FAM171A1: variants seen among roughly 807,000 people sequenced by gnomAD.
FAM171A1 encodes family with sequence similarity 171 member A1, also known as protein FAM171A1.
FAM171A1 carries 23 observed loss-of-function variants against 74.9 expected under a neutral mutation model. The observed-to-expected ratio is 0.31, with a 90% CI of 0.22 to 0.44. The LOEUF (loss-of-function observed/expected upper bound fraction) is 0.44. FAM171A1 is among the 20% of genes least tolerant of loss of function. The pLI, the probability that FAM171A1 is intolerant of heterozygous loss-of-function variation, is 1.00. For synonymous variants in FAM171A1, 527 were observed against 505.7 expected (o/e 1.04, Z -0.57); for missense variants, 1,162 against 1,159.2 (o/e 1.00, Z -0.03).
chr10:15,240,852 C>A, intron 5 of FAM171A1: 2 of 397,628 alleles, frequency 5.0e-6, no homozygotes, highest in Non-Finnish European at 6.8e-6. Context: ...CCAGTCTGGG[C>A]AACACAGCAA....
chr10:15,213,084 G>A lies in FAM171A1; in HGVS notation c.2504C>T (p.Thr835Met), dbSNP rs1482241961. ...GGGGGCATCCGCAGTCCGTCTGGTC[G>A]TCTCCTCCTGCAGGCTGGGCAGCTG... ...GGQLPSLQEE[T>M]TRRTADAPSE... The change falls in exon 8 of 8, where the codon ACG becomes ATG. Residue 835 changes from threonine to methionine, a missense_variant. Coordinates refer to ENST00000378116, the MANE Select transcript of FAM171A1 (RefSeq NM_001010924.2). The surrounding 1 kb of genome is among the most constrained non-coding windows in gnomAD (Gnocchi z 6.8). 8 of 1,613,412 alleles carry A rather than the reference G, an allele frequency of 5.0e-6. No homozygotes were observed. Among genetic ancestry groups the A allele is most frequent in the African/African-American group, 2.7e-5 (2 of 74,876 alleles).
At chr10:15,219,872 G>A (rs1469608251) in intron 6 of FAM171A1, among the ~76,000 whole-genome samples, 1 of 152,218 alleles carries the variant, frequency 6.6e-6, no homozygotes, top group African/African-American at 2.4e-5. Context: ...GAGCCACCGC[G>A]CCCGGCTAAG....
intron 5 of FAM171A1, 30 bp from the exon 6 acceptor site, chr10:15,221,090 C>A: frequency 6.4e-7 from 1 of 1,553,372 alleles, no homozygotes; most frequent in Non-Finnish European, 8.9e-7. Context: ...ATGTTAGCTA[C>A]AAGCACACCA....
At chr10:15,311,759 T>C (rs1474295096) in intron 1 of FAM171A1, among the ~76,000 whole-genome samples, 1 of 152,154 alleles carries the variant, frequency 6.6e-6, no homozygotes, top group Non-Finnish European at 1.5e-5. Flanking sequence ...CAGAAGCACC[T>C]GAGGTCCAGG....
chr10:15,312,490 C>T (rs1310410364), intron 1 of FAM171A1, among the ~76,000 whole-genome samples: 1 of 151,608 alleles, frequency 6.6e-6, no homozygotes, highest in Non-Finnish European at 1.5e-5. Flanking sequence ...TGGGGGTATG[C>T]ACGAGTCTCG....
At chr10:15,346,953 T>G (rs1835823460) in intron 1 of FAM171A1, among the ~76,000 whole-genome samples, 1 of 152,208 alleles carries the variant, frequency 6.6e-6, no homozygotes, top group African/African-American at 2.4e-5. Context: ...GAGGGGTAGC[T>G]GGCAGAGCTG....
chr10:15,240,834 G>T, intron 5 of FAM171A1: 2 of 638,304 alleles, frequency 3.1e-6, no homozygotes, highest in South Asian at 6.9e-5. Context: ...GAGGGCAGGA[G>T]TCTGAGACCA....
At chr10:15,312,304 T>C (rs1835368102) in intron 1 of FAM171A1, among the ~76,000 whole-genome samples, 1 of 143,652 alleles carries the variant, frequency 7.0e-6, no homozygotes, top group Non-Finnish European at 1.6e-5. Context: ...ACTCCAACTG[T>C]CACTCTAAGT....
intron 4 of FAM171A1, among the ~76,000 whole-genome samples, chr10:15,251,824 C>A (rs745605052): frequency 2.0e-5 from 3 of 152,166 alleles, no homozygotes; most frequent in Non-Finnish European, 4.4e-5. Context: ...TCATCCTTCC[C>A]GTTCCATCTG....
At chr10:15,280,999 A>G (rs1834961406) in intron 2 of FAM171A1, among the ~76,000 whole-genome samples, 1 of 152,134 alleles carries the variant, frequency 6.6e-6, no homozygotes, top group Non-Finnish European at 1.5e-5. Flanking sequence ...GCCTGATGGG[A>G]GGTGATTGGA....
intron 5 of FAM171A1, among the ~76,000 whole-genome samples, chr10:15,228,170 C>T (rs1004524510): frequency 2.6e-5 from 4 of 152,132 alleles, no homozygotes; most frequent in East Asian, 1.9e-4. Context: ...GAAACTCCCC[C>T]GTAGCAGCCA....
chr10:15,266,350 A>C (rs1441385559), intron 3 of FAM171A1, among the ~76,000 whole-genome samples: 1 of 152,080 alleles, frequency 6.6e-6, no homozygotes, highest in African/African-American at 2.4e-5. Context: ...CATGGCTGGG[A>C]GGGATAGGGC....
Position 15,312,781 on chromosome 10 carries a change from TC to T in FAM171A1, c.98-28677del, listed in dbSNP as rs1835379720. Among the ~76,000 whole-genome samples, 3 of 131,848 alleles carry T rather than the reference TC, an allele frequency of 2.3e-5. No individual in the cohort carries two copies. In the East Asian group the frequency reaches 8.0e-4, roughly 35 times the overall value. 86.5% of individuals were successfully genotyped at this position (131,848 alleles called of 152,430 possible). On this transcript the variant is annotated intron_variant, in intron 1 of 7. Transcript: ENST00000378116. ...GGTGCAATCTCGGCTCACTGCAAAC[TC>T]CGCCTCCGAGGTCTAAGCGATTCTC...
intron 5 of FAM171A1, among the ~76,000 whole-genome samples, chr10:15,233,220 G>C (rs573260511): frequency 6.6e-6 from 1 of 152,098 alleles, no homozygotes; most frequent in Admixed American, 6.5e-5. Flanking sequence ...GTGTGAACCC[G>C]GGAGGCGGAG....
At chr10:15,289,749 G>A (rs1211286623) in intron 1 of FAM171A1, among the ~76,000 whole-genome samples, 2 of 152,194 alleles carry the variant, frequency 1.3e-5, no homozygotes, top group Non-Finnish European at 2.9e-5. Context: ...AATGTGGCCT[G>A]CTGCCTGCTT....
chr10:15,229,759 T>A (rs1340654255), intron 5 of FAM171A1, among the ~76,000 whole-genome samples: 1 of 54,538 alleles, frequency 1.8e-5, no homozygotes. Flanking sequence ...ATCATCACCA[T>A]CACCACCATC....
intron 6 of FAM171A1, among the ~76,000 whole-genome samples, chr10:15,220,702 C>A (rs559440065): frequency 6.6e-6 from 1 of 152,248 alleles, no homozygotes; most frequent in African/African-American, 2.4e-5. Flanking sequence ...GCTGTCTGAA[C>A]AAAACAGCCA....
At position 15,262,068 on chromosome 10, in the gene FAM171A1, T is replaced by C. The variant is rs139354139; in HGVS notation, c.419-7189A>G. 1.1e-4 allele frequency among the ~76,000 whole-genome samples: 17 copies of C among 152,318 alleles called. No individual in the cohort carries two copies. The East Asian group carries it at 2.9e-3, about 26-fold the overall frequency. On this transcript the variant is annotated intron_variant, in intron 3 of 7. Coordinates refer to ENST00000378116, the MANE Select transcript of FAM171A1 (RefSeq NM_001010924.2). Reference sequence around the variant, plus strand: ...AGTCTGAGGCTACGGTGAGTTATGATTGCACTACTGCACTCCAGTCCATGC... The same window carrying C: ...AGTCTGAGGCTACGGTGAGTTATGACTGCACTACTGCACTCCAGTCCATGC...
Position 15,284,935 on chromosome 10 carries a change from A to T in FAM171A1, c.98-830T>A, listed in dbSNP as rs115921672. On this transcript the variant is annotated intron_variant, in intron 1 of 7. Coordinates refer to ENST00000378116, the MANE Select transcript of FAM171A1 (RefSeq NM_001010924.2). ...CAAGAGAAGGTTAGAAAAAGAATAA[A>T]AAAAAAAAAAAGCAAACGTTTGAAA... Among the ~76,000 whole-genome samples the T allele has an allele frequency of 4.2e-3, 635 of 151,628 alleles. 4 individuals carry two copies. The highest frequency in any genetic ancestry group is 0.015 in the African/African-American group (598 of 41,162).
Sources: allele counts gnomAD v4.1 joint callset (sites outside exome capture counted in the v4.1 genomes callset), GRCh38; gene constraint gnomAD v4.1.1; non-coding constraint Gnocchi (gnomAD v3.1); transcripts MANE v1.5; gene names NCBI Gene and HGNC (gene_info 2026-07-23, HGNC 2026-07-21).